The following AKAP7 variants were observed in gnomAD, a reference collection of about 807,000 sequenced individuals.
AKAP7 encodes the protein A kinase (PRKA) anchor protein 7.
AKAP7 carries 39 observed loss-of-function variants against 39.5 expected under a neutral mutation model. The ratio of observed to expected loss-of-function variants is 0.99; its 90% CI spans 0.76 to 1.29. AKAP7 has a LOEUF of 1.29. Ranked by LOEUF, AKAP7 falls within the 50% of genes most tolerant of loss-of-function variation. AKAP7 has a pLI of 0.00. For synonymous variants in AKAP7, 140 were observed against 139.1 expected, an observed-to-expected ratio of 1.01 and a Z score of -0.05; for missense variants, 414 against 407.7, an observed-to-expected ratio of 1.02 and a Z score of -0.13.
At chr6:131,248,634 T>C (rs1812219019) in intron 7 of AKAP7, among the ~76,000 whole-genome samples, 1 of 152,180 alleles carries the variant, frequency 6.6e-6, no homozygotes, top group African/African-American at 2.4e-5. Context: ...TTCTCTGGTG[T>C]TTCCTAGCTG....
intron 5 of AKAP7, among the ~76,000 whole-genome samples, chr6:131,173,348 T>A (rs1804266256): frequency 6.6e-6 from 1 of 152,184 alleles, no homozygotes; most frequent in Non-Finnish European, 1.5e-5. Flanking sequence ...ACACTTAGAA[T>A]CCAGTTTATT....
intron 6 of AKAP7, among the ~76,000 whole-genome samples, chr6:131,213,902 T>C (rs3777478): frequency 0.59 from 89,809 of 151,908 alleles, 28,663 homozygotes; most frequent in African/African-American, 0.85. Flanking sequence ...AGCCTGCAAC[T>C]TTGAGAACTT....
intron 7 of AKAP7, among the ~76,000 whole-genome samples, chr6:131,268,653 C>G (rs893714838): frequency 6.6e-6 from 1 of 152,196 alleles, no homozygotes; most frequent in South Asian, 2.1e-4. Context: ...CGACGTACAT[C>G]GGTGAACATT....
chr6:131,220,387 G>A (rs533706629), intron 7 of AKAP7, among the ~76,000 whole-genome samples: 153 of 152,298 alleles, frequency 1.0e-3, no homozygotes, highest in African/African-American at 3.2e-3. Context: ...TGTACACTTA[G>A]GGAGATCTTT....
upstream of AKAP7, among the ~76,000 whole-genome samples, chr6:131,133,734 A>G (rs1800378520): frequency 6.6e-6 from 1 of 152,198 alleles, no homozygotes; most frequent in South Asian, 2.1e-4. Flanking sequence ...AAGACGAGAA[A>G]AGGATTATTA....
chr6:131,253,062 A>G, intron 7 of AKAP7: 3 of 1,613,680 alleles, frequency 1.9e-6, no homozygotes, highest in Non-Finnish European at 2.5e-6. Context: ...CGTCCTCTGC[A>G]GTCCTACAGA....
At chr6:131,215,343 C>T (rs1007874232) in intron 6 of AKAP7, among the ~76,000 whole-genome samples, 11 of 152,212 alleles carry the variant, frequency 7.2e-5, no homozygotes, top group African/African-American at 9.6e-5. Context: ...GCCGCAAGGC[C>T]GTTCTCACCC....
intron 5 of AKAP7, among the ~76,000 whole-genome samples, chr6:131,190,165 T>C (rs1167156209): frequency 1.3e-5 from 2 of 152,204 alleles, no homozygotes; most frequent in African/African-American, 4.8e-5. Flanking sequence ...AGGCATTTTC[T>C]TTTTCCCCAC....
At chr6:131,261,843 T>G (rs1402345049) in intron 7 of AKAP7, among the ~76,000 whole-genome samples, 1 of 152,136 alleles carries the variant, frequency 6.6e-6, no homozygotes, top group East Asian at 1.9e-4. Context: ...AAATAGAAAC[T>G]ACACCAGTTG....
chr6:131,149,592 G>A (rs566838988), intron 2 of AKAP7, among the ~76,000 whole-genome samples: 3 of 152,294 alleles, frequency 2.0e-5, no homozygotes, highest in South Asian at 2.1e-4. Flanking sequence ...CCGAGATTGC[G>A]CCACTGCACT....
chr6:131,133,231 G>T (rs890943551), upstream of AKAP7, among the ~76,000 whole-genome samples: 3 of 152,172 alleles, frequency 2.0e-5, no homozygotes, highest in East Asian at 3.9e-4. Flanking sequence ...TGGCCTACTA[G>T]TTTTTCTTCC....
intron 7 of AKAP7, chr6:131,250,737 T>G (rs961693211): frequency 1.0e-6 from 1 of 973,068 alleles, no homozygotes; most frequent in African/African-American, 1.6e-5. Flanking sequence ...GCTATGGTTT[T>G]TAATGTGTGT....
At chr6:131,194,223 G>A (rs1806697271) in intron 5 of AKAP7, among the ~76,000 whole-genome samples, 1 of 151,762 alleles carries the variant, frequency 6.6e-6, no homozygotes, top group South Asian at 2.1e-4. Context: ...CATGGATTTT[G>A]TTGGTATGTT....
chr6:131,206,739 A>G (rs544369283), intron 6 of AKAP7, among the ~76,000 whole-genome samples: 28 of 152,178 alleles, frequency 1.8e-4, no homozygotes, highest in African/African-American at 4.8e-4. Context: ...ACTTCTATCT[A>G]TCTAGCTACC....
chr6:131,263,396 T>C (rs1050937700), intron 7 of AKAP7, among the ~76,000 whole-genome samples: 3 of 152,142 alleles, frequency 2.0e-5, no homozygotes, highest in Non-Finnish European at 4.4e-5. Flanking sequence ...CCTTACTGCT[T>C]GACATTCAAG....
intron 1 of AKAP7, chr6:131,137,417 C>T (rs1205883262): frequency 6.6e-6 from 1 of 151,044 alleles, no homozygotes; most frequent in Non-Finnish European, 1.5e-5. Flanking sequence ...GAGTCTCGCT[C>T]TGTCGCCCAG....
intron 7 of AKAP7, among the ~76,000 whole-genome samples, chr6:131,261,786 G>C (rs1813364076): frequency 6.6e-6 from 1 of 152,100 alleles, no homozygotes; most frequent in Non-Finnish European, 1.5e-5. Flanking sequence ...AAACATTGTG[G>C]GGGGGAAATG....
chr6:131,264,965 A>T (rs1034617751), intron 7 of AKAP7, among the ~76,000 whole-genome samples: 5 of 152,170 alleles, frequency 3.3e-5, no homozygotes, highest in Admixed American at 1.3e-4. Context: ...CAGGCCATTT[A>T]TGAGAGATCT....
rs1372690650 is a variant in AKAP7 at position 131,173,818 on chromosome 6, C to CA, written c.589+4546dup. Among the ~76,000 whole-genome samples the CA allele has an allele frequency of 2.0e-5, 3 of 152,312 alleles. No homozygotes were observed. The South Asian group carries it at 6.2e-4, about 32-fold the overall frequency. Reference sequence around the variant, plus strand: ...TATAAATATCTCTGCACTCAAGAAACATTTCTAATTACTCATTCATTCATT... The same window carrying CA: ...TATAAATATCTCTGCACTCAAGAAACAATTTCTAATTACTCATTCATTCATT... On this transcript the variant is annotated intron_variant, in intron 5 of 7. Coordinates refer to ENST00000431975, the MANE Select transcript of AKAP7 (RefSeq NM_016377.4).
Sources: allele counts gnomAD v4.1 joint callset (sites outside exome capture counted in the v4.1 genomes callset), GRCh38; gene constraint gnomAD v4.1.1; transcripts MANE v1.5; gene names NCBI Gene and HGNC (gene_info 2026-07-23, HGNC 2026-07-21).